ANKRD12: variants seen among roughly 807,000 people sequenced by gnomAD.
The protein encoded by ANKRD12 is ankyrin repeat domain-containing protein 12.
Under a neutral mutation model 183.4 loss-of-function variants are expected in ANKRD12, and 85 were observed. The observed-to-expected ratio is 0.46, with a 90% CI of 0.39 to 0.56. The LOEUF is 0.56. ANKRD12 is among the 20% of genes least tolerant of loss of function. The probability of loss-of-function intolerance (pLI) is 0.00; values close to 1 mark genes in which losing one functional copy is unlikely to be tolerated. For missense variants in ANKRD12, 2,405 were observed against 2,357.1 expected, an observed-to-expected ratio of 1.02 and a Z score of -0.42; for synonymous variants, 914 against 800.2, an observed-to-expected ratio of 1.14 and a Z score of -2.40.
At chr18:9,181,014 G>T (rs1442914978) in intron 1 of ANKRD12, among the ~76,000 whole-genome samples, 2 of 152,128 alleles carry the variant, frequency 1.3e-5, no homozygotes. Context: ...AGCTTTACCA[G>T]TGGCTAGCTT....
chr18:9,258,976 T>C (rs1202865173), intron 9 of ANKRD12, 45 bp downstream of exon 9: 8 of 1,532,914 alleles, frequency 5.2e-6, no homozygotes, highest in Non-Finnish European at 6.1e-6. Flanking sequence ...CACTGCCCAA[T>C]AGAAGTATAA....
intron 8 of ANKRD12, among the ~76,000 whole-genome samples, chr18:9,248,902 A>G (rs1264868613): frequency 6.6e-6 from 1 of 152,240 alleles, no homozygotes; most frequent in African/African-American, 2.4e-5. Flanking sequence ...AGGAAACATC[A>G]ATGAATTATC....
At chr18:9,189,991 A>G (rs1187374919) in intron 2 of ANKRD12, among the ~76,000 whole-genome samples, 1 of 152,242 alleles carries the variant, frequency 6.6e-6, no homozygotes, top group Non-Finnish European at 1.5e-5. Context: ...GCTGCCATAG[A>G]GAGTGATTCC....
intron 10 of ANKRD12, among the ~76,000 whole-genome samples, chr18:9,273,090 T>G (rs2039682608): frequency 6.6e-6 from 1 of 152,114 alleles, no homozygotes; most frequent in South Asian, 2.1e-4. Flanking sequence ...TCGCTTTACT[T>G]CTCCATGAAG....
rs1426479073 is a variant in ANKRD12 at position 9,258,101 on chromosome 18, A to G, written c.4834A>G (p.Lys1612Glu). 1.2e-6 allele frequency: 2 copies of G among 1,613,356 alleles called. No individual in the cohort carries two copies. The highest frequency in any genetic ancestry group is 1.7e-6 in the Non-Finnish European group (2 of 1,179,948). The change falls in exon 9 of 13, where the codon AAG becomes GAG. Residue 1612 changes from lysine to glutamate, a missense_variant. By Grantham distance (56) the Lys-to-Glu change is moderately conservative. Around this residue, in one of 7 missense-constraint regions of ANKRD12, gnomAD observed 1,983 missense variants for 1,725.9 expected, o/e 1.15. Coordinates refer to ENST00000262126, the MANE Select transcript of ANKRD12 (RefSeq NM_015208.5). The part of the protein sequence containing the change: ...THYAFSKLTY[K>E]SSSGHEVENS... ...TTATGCATTTAGCAAACTAACTTAC[A>G]AGTCTTCCAGTGGCCATGAAGTTGA...
intron 8 of ANKRD12, among the ~76,000 whole-genome samples, chr18:9,224,883 A>G (rs1051860245): frequency 6.6e-6 from 1 of 152,220 alleles, no homozygotes; most frequent in Non-Finnish European, 1.5e-5. Context: ...TCTTCTATAT[A>G]CGGTATATAC....
intron 7 of ANKRD12, among the ~76,000 whole-genome samples, chr18:9,218,432 T>C (rs1284847398): frequency 6.6e-6 from 1 of 152,214 alleles, no homozygotes; most frequent in Non-Finnish European, 1.5e-5. Context: ...CATTTCTGTA[T>C]ATCCCTAATG....
Position 9,195,640 on chromosome 18 carries a change from A to G in ANKRD12, c.177A>G (p.Lys59=). ...AGATGAAAGAGAAATCATCCATGAA[A>G]CGTAAACTTCCTTTTACTATTAGCC... ...SKEMKEKSSM[K]RKLPFTISPS... Residue 59 remains lysine, a synonymous_variant, in exon 3 of 13, where the codon AAA becomes AAG. Transcript: ENST00000262126. 6.2e-7 allele frequency: 1 copy of G among 1,613,182 alleles called. No individual in the cohort carries two copies. Among genetic ancestry groups the G allele is most frequent in the African/African-American group, 1.3e-5 (1 of 74,978 alleles).
At chr18:9,266,592 G>T (rs1246372010) in intron 10 of ANKRD12, among the ~76,000 whole-genome samples, 1 of 152,158 alleles carries the variant, frequency 6.6e-6, no homozygotes, top group Non-Finnish European at 1.5e-5. Context: ...TACCAGGCCT[G>T]CCCTAAAAGA....
intron 11 of ANKRD12, 52 bp downstream of exon 11, chr18:9,275,719 TG>T: frequency 6.9e-7 from 1 of 1,441,656 alleles, no homozygotes; most frequent in Non-Finnish European, 9.3e-7. Flanking sequence ...AAATGCAACT[TG>T]GCTATTTTTA....
intron 2 of ANKRD12, among the ~76,000 whole-genome samples, chr18:9,190,017 C>CA (rs2034354410): frequency 6.6e-6 from 1 of 151,994 alleles, no homozygotes; most frequent in African/African-American, 2.4e-5. Context: ...TGGATTTGGG[C>CA]AAAAAAATTG....
intron 1 of ANKRD12, among the ~76,000 whole-genome samples, chr18:9,164,054 C>T (rs1389793270): frequency 6.6e-6 from 1 of 152,150 alleles, no homozygotes; most frequent in African/African-American, 2.4e-5. Context: ...GCCAGAACTT[C>T]CAATACTGTG....
At chr18:9,142,316 A>C (rs927084116) in intron 1 of ANKRD12, among the ~76,000 whole-genome samples, 8 of 152,240 alleles carry the variant, frequency 5.3e-5, no homozygotes, top group African/African-American at 1.4e-4. Context: ...TGAACCTCAC[A>C]GCTCAGTAGC....
chr18:9,214,500 C>T (rs1175254450), intron 6 of ANKRD12, among the ~76,000 whole-genome samples: 5 of 149,538 alleles, frequency 3.3e-5, no homozygotes, highest in Admixed American at 6.6e-5. Context: ...ATAAGCAGTT[C>T]GTCTCTCCAG....
chr18:9,150,432 T>TG (rs1170603841), intron 1 of ANKRD12, among the ~76,000 whole-genome samples: 2 of 152,182 alleles, frequency 1.3e-5, no homozygotes, highest in Non-Finnish European at 2.9e-5. Flanking sequence ...TTTTTGCTGA[T>TG]AAAAGCAGTA....
intron 3 of ANKRD12, among the ~76,000 whole-genome samples, chr18:9,200,036 C>T (rs574904349): frequency 6.6e-5 from 10 of 152,152 alleles, no homozygotes; most frequent in Non-Finnish European, 1.2e-4. Context: ...CCAAGGAAAG[C>T]CTACTGGCAC....
At chr18:9,180,928 A>G (rs1294970958) in intron 1 of ANKRD12, among the ~76,000 whole-genome samples, 9 of 152,116 alleles carry the variant, frequency 5.9e-5, no homozygotes, top group Non-Finnish European at 1.2e-4. Context: ...GCTGATGTTT[A>G]TATGTATTGT....
chr18:9,171,474 C>G (rs1270938679), intron 1 of ANKRD12, among the ~76,000 whole-genome samples: 3 of 152,106 alleles, frequency 2.0e-5, no homozygotes, highest in Non-Finnish European at 4.4e-5. Context: ...CATCATGATG[C>G]TAGCTGGTTA....
intron 10 of ANKRD12, among the ~76,000 whole-genome samples, chr18:9,265,307 G>A (rs1567994374): frequency 6.6e-6 from 1 of 152,234 alleles, no homozygotes; most frequent in Non-Finnish European, 1.5e-5. Flanking sequence ...CTGGAGATCT[G>A]AGAACGGACA....
Sources: gnomAD v4.1 joint callset for allele counts (sites outside exome capture counted in the v4.1 genomes callset) on GRCh38, gnomAD v4.1.1 for gene constraint, gnomAD v4.1.1 regional missense constraint, MANE v1.5 for transcripts, NCBI Gene and HGNC (gene_info 2026-07-23, HGNC 2026-07-21) for gene names.